The following ZNF382 variants were observed in gnomAD, a reference collection of about 807,000 sequenced individuals.
ZNF382 encodes the protein zinc finger protein 382, also known as KRAB/zinc finger suppressor protein 1.
In ZNF382, 20 loss-of-function variants were observed where a neutral mutation model predicts 38.8. The observed-to-expected ratio is 0.51, with a 90% CI of 0.36 to 0.75. ZNF382 has a LOEUF of 0.75. Among genes scored for constraint, ZNF382 ranks in the 30% least tolerant of loss-of-function variants. The pLI is 0.00. For synonymous variants in ZNF382, 202 were observed against 223.1 expected (o/e 0.91, Z 0.84); for missense variants, 546 against 654.1 (o/e 0.83, Z 1.80).
At chr19:36,614,356 C>A (rs2037104146) in intron 4 of ZNF382, among the ~76,000 whole-genome samples, 1 of 152,180 alleles carries the variant, frequency 6.6e-6, no homozygotes, top group South Asian at 2.1e-4. Flanking sequence ...AGCAAACAAA[C>A]AAATGAAAAC....
chr19:36,609,242 A>G (rs578156680), intron 2 of ZNF382: 6 of 152,308 alleles, frequency 3.9e-5, no homozygotes, highest in South Asian at 4.1e-4. Context: ...ATAAATGCCT[A>G]TTGATGGTTT....
At chr19:36,625,225 T>C (rs2037202828) in intron 4 of ZNF382, among the ~76,000 whole-genome samples, 1 of 150,392 alleles carries the variant, frequency 6.6e-6, no homozygotes, top group South Asian at 2.1e-4. Flanking sequence ...CCAGATTCTC[T>C]GCTTTCAAGA....
At chr19:36,607,725 A>G in intron 2 of ZNF382, 103 bp downstream of exon 2, 13 of 1,250,556 alleles carry the variant, frequency 1.0e-5, no homozygotes, top group Middle Eastern at 1.9e-4. Context: ...ATTTGCTTCC[A>G]TGAAATTAGT....
intron 4 of ZNF382, among the ~76,000 whole-genome samples, chr19:36,617,965 C>A (rs1177333999): frequency 4.6e-5 from 7 of 152,038 alleles, no homozygotes; most frequent in Admixed American, 3.3e-4. Context: ...AGTCTTTACT[C>A]CTAAAACGTG....
intron 4 of ZNF382, among the ~76,000 whole-genome samples, chr19:36,616,976 G>C (rs532854192): frequency 6.6e-6 from 1 of 152,212 alleles, no homozygotes; most frequent in Admixed American, 6.5e-5. Flanking sequence ...GGGACAATCA[G>C]AGGTGGTGAG....
rs2037254465 is a variant in ZNF382 at position 36,631,556 on chromosome 19, T to A, written c.*4006T>A. 1 of 151,882 alleles carries A rather than the reference T, an allele frequency of 6.6e-6. No individual in the cohort carries two copies. The highest frequency in any genetic ancestry group is 1.5e-5 in the Non-Finnish European group (1 of 68,076). The allele number at this position is 151,882 out of a possible 1,614,324, so 9.4% of individuals were successfully genotyped here. A position where few individuals can be genotyped will look rare whatever the true frequency, so the allele number is the denominator to read the frequency against. On this transcript the variant is annotated 3_prime_UTR_variant, in exon 5 of 5. Coordinates refer to ENST00000292928, the MANE Select transcript of ZNF382 (RefSeq NM_032825.5). ...GTGCACACCACCAAACCCGGCTAAT[T>A]TTTGTATTTTTAGTAGAGACGGGGT...
intron 4 of ZNF382, among the ~76,000 whole-genome samples, chr19:36,617,668 A>G (rs1277844619): frequency 6.6e-6 from 1 of 152,186 alleles, no homozygotes; most frequent in Non-Finnish European, 1.5e-5. Flanking sequence ...ACGATAAGGA[A>G]GAGAGGAAAT....
Position 36,609,991 on chromosome 19 carries a change from C to T in ZNF382, c.77C>T (p.Pro26Leu). 6.2e-7 allele frequency: 1 copy of T among 1,613,956 alleles called. No homozygotes were observed. Among genetic ancestry groups the T allele is most frequent in the Non-Finnish European group, 8.5e-7 (1 of 1,179,978 alleles). The change falls in exon 3 of 5, where the codon CCT (proline) becomes CTT (leucine). Residue 26 changes from proline to leucine, a missense_variant. By Grantham distance (98) the Pro-to-Leu change is moderately conservative. Transcript: ENST00000292928. ...FTQEEWQQLD[P>L]AQKALYRDVM... is the part of the protein sequence containing the mutation. ...CAGGAGGAGTGGCAGCAACTAGACC[C>T]TGCTCAGAAGGCGCTTTACAGGGAT... is the stretch of plus-strand genomic sequence containing the variant.
At chr19:36,615,335 A>G (rs1206945916) in intron 4 of ZNF382, among the ~76,000 whole-genome samples, 6 of 152,174 alleles carry the variant, frequency 3.9e-5, no homozygotes, top group African/African-American at 1.4e-4. Flanking sequence ...AACCATTAGT[A>G]ACCTTTTAAC....
intron 4 of ZNF382, among the ~76,000 whole-genome samples, chr19:36,624,261 A>T (rs537871585): frequency 6.6e-6 from 1 of 152,364 alleles, no homozygotes; most frequent in East Asian, 1.9e-4. Context: ...ATTCTTTTTC[A>T]TAAAGCTTAC....
At position 36,628,749 on chromosome 19, in the gene ZNF382, C is replaced by T. The variant is rs2037234767; in HGVS notation, c.*1199C>T. On this transcript the variant is annotated 3_prime_UTR_variant, in exon 5 of 5. Coordinates refer to ENST00000292928, the MANE Select transcript of ZNF382 (RefSeq NM_032825.5). ...GAGGAATATAGTCTTTACCTATGGTCTGTATCTACTGGTCAGGTACAAATG... is the reference window on the plus strand; with the variant it reads ...GAGGAATATAGTCTTTACCTATGGTTTGTATCTACTGGTCAGGTACAAATG... 1 of 152,540 alleles carries T rather than the reference C, an allele frequency of 6.6e-6. No homozygotes were observed. Among genetic ancestry groups the T allele is most frequent in the Non-Finnish European group, 1.5e-5 (1 of 68,042 alleles). The allele number at this position is 152,540 out of a possible 1,614,324, so 9.4% of individuals were successfully genotyped here.
intron 4 of ZNF382, among the ~76,000 whole-genome samples, chr19:36,614,916 T>TTCCTTTCCTTC (rs1568628623): frequency 1.7e-5 from 2 of 115,282 alleles, no homozygotes; most frequent in African/African-American, 8.2e-5. Flanking sequence ...TTCCTTTCCT[T>TTCCTTTCCTTC]CCCTTTCCCT....
Position 36,627,358 on chromosome 19 carries a change from A to C in ZNF382, c.1461A>C (p.Thr487=). The C allele has an allele frequency of 6.2e-7, 1 of 1,614,170 alleles. No homozygotes were observed. The highest frequency in any genetic ancestry group is 8.5e-7 in the Non-Finnish European group (1 of 1,180,042). The change falls in exon 5 of 5, where the codon ACA becomes ACC. Residue 487 remains threonine (T), a synonymous_variant. Transcript: ENST00000292928. The stretch of plus-strand genomic sequence containing the variant: ...TCACTGTTCATCACAGAATACATAC[A>C]GGAGAAAAATCCAATGGGTGTCCTC... ...AILTVHHRIH[T]GEKSNGCPQC...
At chr19:36,623,341 G>T (rs1446139933) in intron 4 of ZNF382, among the ~76,000 whole-genome samples, 2 of 152,150 alleles carry the variant, frequency 1.3e-5, no homozygotes, top group Non-Finnish European at 2.9e-5. Flanking sequence ...ATGAGTTTTA[G>T]TTGGGAAAGC....
In ZNF382 at chr19:36,633,579, A is replaced by C. The variant is rs2037266765; in HGVS notation, c.*6029A>C. 1 of 152,146 alleles carries C rather than the reference A, an allele frequency of 6.6e-6. No individual in the cohort carries two copies. The highest frequency in any genetic ancestry group is 6.6e-5 in the Admixed American group (1 of 15,264). The allele number at this position is 152,146 out of a possible 1,614,324, so 9.4% of individuals were successfully genotyped here. On this transcript the variant is annotated 3_prime_UTR_variant, in exon 5 of 5. Coordinates refer to ENST00000292928, the MANE Select transcript of ZNF382 (RefSeq NM_032825.5). ...AATATGACCCAGCAATCCCACTTATAAGTACTTATCCTAGAGAAATGAAAA... is the reference window on the plus strand; with the variant it reads ...AATATGACCCAGCAATCCCACTTATCAGTACTTATCCTAGAGAAATGAAAA...
At chr19:36,625,854 C>A (rs531706269) in intron 4 of ZNF382, among the ~76,000 whole-genome samples, 1 of 152,174 alleles carries the variant, frequency 6.6e-6, no homozygotes, top group Admixed American at 6.6e-5. Flanking sequence ...CCACTGCGCC[C>A]GGCCATCCTT....
At chr19:36,612,845 G>A (rs2037089413) in intron 4 of ZNF382, among the ~76,000 whole-genome samples, 1 of 152,234 alleles carries the variant, frequency 6.6e-6, no homozygotes, top group East Asian at 1.9e-4. Context: ...AGGCTGGAGT[G>A]CAGTAGCACA....
intron 4 of ZNF382, among the ~76,000 whole-genome samples, chr19:36,611,601 T>G (rs1482956358): frequency 6.6e-6 from 1 of 152,224 alleles, no homozygotes; most frequent in Non-Finnish European, 1.5e-5. Context: ...ATTGCTGCTA[T>G]GAACATGGGT....
In ZNF382 at chr19:36,630,013, A is replaced by G. The variant is rs1208027816; in HGVS notation, c.*2463A>G. On this transcript the variant is annotated 3_prime_UTR_variant, in exon 5 of 5. Coordinates refer to ENST00000292928, the MANE Select transcript of ZNF382 (RefSeq NM_032825.5). ...GTTGTTACTAATAGGTGATTTTGGC[A>G]TGAAGAAAAACTGGCCATAAAATAC... The G allele has an allele frequency of 2.6e-5, 4 of 152,204 alleles. No individual in the cohort carries two copies. The highest frequency in any genetic ancestry group is 2.0e-4 in the Admixed American group (3 of 15,278). The allele number at this position is 152,204 out of a possible 1,614,324, so 9.4% of individuals were successfully genotyped here.
Sources: allele counts gnomAD v4.1 joint callset (sites outside exome capture counted in the v4.1 genomes callset), GRCh38; gene constraint gnomAD v4.1.1; transcripts MANE v1.5; gene names NCBI Gene and HGNC (gene_info 2026-07-23, HGNC 2026-07-21).